Variants in SLC15A2 observed in about 807,000 individuals in gnomAD.
SLC15A2 encodes the protein solute carrier family 15 member 2.
In SLC15A2, 77 loss-of-function variants were observed where a neutral mutation model predicts 95.5. The ratio of observed to expected loss-of-function variants is 0.81; its 90% CI spans 0.67 to 0.97. The LOEUF is 0.97. SLC15A2 is among the 50% of genes least tolerant of loss of function. The pLI, the probability that SLC15A2 is intolerant of heterozygous loss-of-function variation, is 0.00. For synonymous variants in SLC15A2, 306 were observed against 306.9 expected (o/e 1.00, Z 0.03); for missense variants, 893 against 874.4 (o/e 1.02, Z -0.27).
intron 7 of SLC15A2, among the ~76,000 whole-genome samples, chr3:121,919,168 C>T (rs926103201): frequency 6.6e-6 from 1 of 152,220 alleles, no homozygotes; most frequent in Non-Finnish European, 1.5e-5. Context: ...TGTAGTTCAA[C>T]GAGCAGGAGC....
At chr3:121,931,138 C>A (rs1425448084) in intron 18 of SLC15A2, among the ~76,000 whole-genome samples, 188 bp downstream of exon 18, 1 of 152,190 alleles carries the variant, frequency 6.6e-6, no homozygotes, top group African/African-American at 2.4e-5. Flanking sequence ...ATGTTGAGAT[C>A]ACGATTGCCG....
At chr3:121,939,247 T>C (rs1710413123) in intron 19 of SLC15A2, 102 bp from the exon 20 acceptor site, 1 of 1,005,580 alleles carries the variant, frequency 9.9e-7, no homozygotes, top group Admixed American at 3.2e-5. Flanking sequence ...GGCTGAAGAA[T>C]GAAAATACAA....
Position 121,943,276 on chromosome 3 carries a change from A to AG in SLC15A2, c.*2270dup, listed in dbSNP as rs1451535417. On this transcript the variant is annotated 3_prime_UTR_variant, in exon 22 of 22. Coordinates refer to ENST00000489711, the MANE Select transcript of SLC15A2 (RefSeq NM_021082.4). ...AGTGAGACTTCATCTAAAAAAAAAA[A>AG]GAAAAGAATATGTATACCCCCTTTT... is the stretch of plus-strand genomic sequence containing the variant. 6.6e-6 allele frequency: 1 copy of AG among 151,886 alleles called. No homozygotes were observed. The highest frequency in any genetic ancestry group is 2.4e-5 in the African/African-American group (1 of 41,344). The allele number at this position is 151,886 out of a possible 1,614,324, so 9.4% of individuals were successfully genotyped here.
intron 3 of SLC15A2, among the ~76,000 whole-genome samples, chr3:121,902,043 C>T (rs1055254771): frequency 6.6e-6 from 1 of 152,170 alleles, no homozygotes; most frequent in Non-Finnish European, 1.5e-5. Flanking sequence ...AAATGGGCAT[C>T]CAGAGTCCCT....
chr3:121,923,747 C>T (rs1409179867), intron 11 of SLC15A2, among the ~76,000 whole-genome samples: 2 of 152,168 alleles, frequency 1.3e-5, no homozygotes, highest in African/African-American at 4.8e-5. Flanking sequence ...TTCTTTAGCC[C>T]ACTCAAATAA....
Position 121,929,016 on chromosome 3 carries a change from C to A in SLC15A2, c.1376C>A (p.Thr459Lys). 1 of 1,614,010 alleles carries A rather than the reference C, an allele frequency of 6.2e-7. No individual in the cohort carries two copies. The highest frequency in any genetic ancestry group is 8.5e-7 in the Non-Finnish European group (1 of 1,179,940). ...CACTATTCCAAACTGCACCTGAAAA[C>A]AAAAAGCCAGGATTTTCACTTCCAC... ...TPHYSKLHLKTKSQDFHFHLK... is the reference protein window; with the variant it reads ...TPHYSKLHLKKKSQDFHFHLK... Residue 459 changes from threonine (T) to lysine (K), a missense_variant, in exon 16 of 22, where the codon ACA becomes AAA. Transcript: ENST00000489711.
Position 121,944,098 on chromosome 3 carries a change from C to T in SLC15A2, c.*3091C>T, listed in dbSNP as rs1322928557. On this transcript the variant is annotated 3_prime_UTR_variant, in exon 22 of 22. Coordinates refer to ENST00000489711, the MANE Select transcript of SLC15A2 (RefSeq NM_021082.4). ...ATGCAGTATTATAATCTAATGGGACCACCATCACATATTTGGTCTGTCATT... is the reference window on the plus strand; with the variant it reads ...ATGCAGTATTATAATCTAATGGGACTACCATCACATATTTGGTCTGTCATT... 6.6e-6 allele frequency: 1 copy of T among 152,078 alleles called. No homozygotes were observed. Among genetic ancestry groups the T allele is most frequent in the African/African-American group, 2.4e-5 (1 of 41,406 alleles). 9.4% of individuals were successfully genotyped at this position (152,078 alleles called of 1,614,324 possible). A position where few individuals can be genotyped will look rare whatever the true frequency, so the allele number is the denominator to read the frequency against.
rs112715493 is a variant in SLC15A2 at position 121,923,610 on chromosome 3, C to T, written c.1002+344C>T. Among the ~76,000 whole-genome samples the T allele has an allele frequency of 3.1e-3, 467 of 152,270 alleles. 1 individual carries two copies. The highest frequency in any genetic ancestry group is 4.5e-3 in the Non-Finnish European group (305 of 68,032). On this transcript the variant is annotated intron_variant, in intron 11 of 21. Coordinates refer to ENST00000489711, the MANE Select transcript of SLC15A2 (RefSeq NM_021082.4). The stretch of plus-strand genomic sequence containing the variant: ...GGGACAGGTTTGAGTGGCACTACTA[C>T]GCAATTGGTCTATCTCTTCAACAAG...
At chr3:121,929,694 C>T (rs1338735612) in intron 17 of SLC15A2, among the ~76,000 whole-genome samples, 2 of 152,166 alleles carry the variant, frequency 1.3e-5, no homozygotes, top group Admixed American at 6.5e-5. Flanking sequence ...ATCCTCCCTT[C>T]ATTTTTGATA....
In SLC15A2 at chr3:121,937,064, C is replaced by A. The variant is rs1377077840; in HGVS notation, c.1762-2285C>A. 2.8e-5 allele frequency among the ~76,000 whole-genome samples: 4 copies of A among 145,304 alleles called. No individual in the cohort carries two copies. The East Asian group carries it at 6.0e-4, about 22-fold the overall frequency. On this transcript the variant is annotated intron_variant, in intron 19 of 21. Transcript: ENST00000489711. ...GATATGAAATTCTGGGTTGAAAATT[C>A]TTTTCTTTAAGAATGTTGAATATTG...
chr3:121,940,024 T>G (rs879859667), intron 20 of SLC15A2, among the ~76,000 whole-genome samples: 2 of 152,092 alleles, frequency 1.3e-5, no homozygotes, highest in Non-Finnish European at 2.9e-5. Context: ...CAGGCTGATC[T>G]CTAACTCCTG....
At chr3:121,937,795 C>T (rs940744138) in intron 19 of SLC15A2, among the ~76,000 whole-genome samples, 3 of 152,174 alleles carry the variant, frequency 2.0e-5, no homozygotes, top group African/African-American at 7.2e-5. Context: ...CGGCTTTGTT[C>T]CGTTGCTGAT....
rs1710473031 is a variant in SLC15A2, at chr3:121,942,050, T to A, written c.*1043T>A. Reference sequence around the variant, plus strand: ...TTGTTTTCCTGATTTACTTTTCCCATAAGTTTTAAATACCATTTCTGCCTT... The same window carrying A: ...TTGTTTTCCTGATTTACTTTTCCCAAAAGTTTTAAATACCATTTCTGCCTT... On this transcript the variant is annotated 3_prime_UTR_variant, in exon 22 of 22. Transcript: ENST00000489711. The A allele has an allele frequency of 6.6e-6, 1 of 152,198 alleles. No homozygotes were observed. The highest frequency in any genetic ancestry group is 1.5e-5 in the Non-Finnish European group (1 of 68,016). 9.4% of individuals were successfully genotyped at this position (152,198 alleles called of 1,614,324 possible).
At chr3:121,924,643 G>T (rs1416712949) in intron 12 of SLC15A2, among the ~76,000 whole-genome samples, 1 of 152,084 alleles carries the variant, frequency 6.6e-6, no homozygotes, top group Non-Finnish European at 1.5e-5. Context: ...TCTTGTAAAA[G>T]AAATTGTAAG....
At chr3:121,927,720 TA>T (rs1242635233) in intron 13 of SLC15A2, 37 bp from the exon 14 acceptor site, 2 of 1,506,442 alleles carry the variant, frequency 1.3e-6, no homozygotes, top group Non-Finnish European at 1.8e-6. Flanking sequence ...CTTTAGAGTC[TA>T]AAGTTTAGAT....
At chr3:121,928,106 C>T (rs1018156210) in intron 14 of SLC15A2, among the ~76,000 whole-genome samples, 1 of 152,230 alleles carries the variant, frequency 6.6e-6, no homozygotes, top group African/African-American at 2.4e-5. Context: ...TTAGGGAACA[C>T]AGGCTTATGT....
rs549988322 is a variant in SLC15A2 at position 121,931,618 on chromosome 3, C to A, written c.1665-21C>A. ...TTCCAAGCCTTGATATTTATTCTAA[C>A]CTAAATTCATCCTGTTCCAGATACC... is the stretch of plus-strand genomic sequence containing the variant. On this transcript the variant is annotated intron_variant, in intron 18 of 21. Transcript: ENST00000489711. The A allele has an allele frequency of 1.2e-5, 19 of 1,521,664 alleles. No homozygotes were observed. The South Asian group carries it at 2.1e-4, about 17-fold the overall frequency. The allele number at this position is 1,521,664 out of a possible 1,614,324, so 94.3% of individuals were successfully genotyped here.
chr3:121,915,758 A>G, intron 7 of SLC15A2, 65 bp downstream of exon 7: 4 of 1,145,882 alleles, frequency 3.5e-6, no homozygotes, highest in Non-Finnish European at 5.3e-6. Context: ...AGCATCATGT[A>G]GGCACTTTAC....
At position 121,925,751 on chromosome 3, in the gene SLC15A2, T is replaced by A. The variant is rs1472167680; in HGVS notation, c.1124+718T>A. 5.2e-5 allele frequency among the ~76,000 whole-genome samples: 4 copies of A among 77,104 alleles called. 2 individuals carry two copies. Among genetic ancestry groups the A allele is most frequent in the African/African-American group, 1.2e-4 (2 of 16,238 alleles). 50.6% of individuals were successfully genotyped at this position (77,104 alleles called of 152,430 possible). A position where few individuals can be genotyped will look rare whatever the true frequency, so the allele number is the denominator to read the frequency against. On this transcript the variant is annotated intron_variant, in intron 13 of 21. Transcript: ENST00000489711. ...CTATATATATATATATATATATATA[T>A]ATATATATATATATATATATATATA...
Sources: allele counts gnomAD v4.1 joint callset (sites outside exome capture counted in the v4.1 genomes callset), GRCh38; gene constraint gnomAD v4.1.1; transcripts MANE v1.5; gene names NCBI Gene and HGNC (gene_info 2026-07-23, HGNC 2026-07-21).